Variants in RNF125 observed in about 807,000 individuals in gnomAD.
RNF125 encodes E3 ubiquitin-protein ligase RNF125.
RNF125 carries 21 observed loss-of-function variants against 26.0 expected under a neutral mutation model. The ratio of observed to expected loss-of-function variants is 0.81; its 90% CI spans 0.57 to 1.16. RNF125 has a LOEUF of 1.16. RNF125 is among the 50% of genes most tolerant of loss of function. The probability of loss-of-function intolerance (pLI) is 0.00; values close to 1 mark genes in which losing one functional copy is unlikely to be tolerated. For synonymous variants in RNF125, 95 were observed against 109.2 expected (o/e 0.87, Z 0.81); for missense variants, 270 against 299.4 (o/e 0.90, Z 0.72).
chr18:32,044,653 A>G (rs1416201636), intron 3 of RNF125, among the ~76,000 whole-genome samples: 7 of 152,136 alleles, frequency 4.6e-5, no homozygotes, highest in Non-Finnish European at 1.0e-4. Context: ...CAATCTGAGC[A>G]TGCATTAACT....
chr18:32,076,068 G>T (rs1046545908), downstream of RNF125: 5 of 696,420 alleles, frequency 7.2e-6, no homozygotes, highest in Non-Finnish European at 1.1e-5. Flanking sequence ...CTCTACACTT[G>T]TTTAGCCTGC....
intron 4 of RNF125, among the ~76,000 whole-genome samples, chr18:32,063,464 T>C (rs1258330019): frequency 9.2e-5 from 14 of 152,148 alleles, no homozygotes. Context: ...AATTCATACA[T>C]TGCTGGTGGG....
At chr18:32,059,016 G>C (rs1196589717) in intron 4 of RNF125, among the ~76,000 whole-genome samples, 1 of 152,096 alleles carries the variant, frequency 6.6e-6, no homozygotes, top group African/African-American at 2.4e-5. Context: ...TTACCCACTT[G>C]TCTGTTGCTG....
intron 4 of RNF125, among the ~76,000 whole-genome samples, chr18:32,065,497 A>G (rs1467377454): frequency 2.0e-5 from 3 of 151,572 alleles, no homozygotes; most frequent in African/African-American, 7.3e-5. Flanking sequence ...CAACCTCCCA[A>G]AATGTTGGGA....
intron 4 of RNF125, among the ~76,000 whole-genome samples, chr18:32,051,694 C>CTTTTTTTTTTTTTTTTTTTTTTTT (rs71177837): frequency 8.5e-6 from 1 of 118,032 alleles, no homozygotes; most frequent in Non-Finnish European, 1.6e-5. Context: ...TATTTTCTTT[C>CTTTTTTTTTTTTTTTTTTTTTTTT]TTTTTTTTTT....
chr18:32,085,700 CAAAAAAAAA>C, the RNF125 span, among the ~76,000 whole-genome samples: 4 of 62,770 alleles, frequency 6.4e-5, no homozygotes, highest in South Asian at 8.5e-4. Flanking sequence ...AACGACTTAT[CAAAAAAAAA>C]AAAAAAAAAA....
chr18:32,025,461 C>T (rs989161103), intron 1 of RNF125, among the ~76,000 whole-genome samples: 13 of 151,480 alleles, frequency 8.6e-5, no homozygotes, highest in South Asian at 2.1e-4. Context: ...GTCAGGAGTT[C>T]GAGACCAGCC....
the RNF125 span, among the ~76,000 whole-genome samples, chr18:32,078,674 C>T: frequency 1.3e-5 from 2 of 151,976 alleles, no homozygotes; most frequent in Non-Finnish European, 2.9e-5. Flanking sequence ...ATACATCATT[C>T]AGTTTACTGT....
At chr18:32,035,482 T>A (rs2039143805) in intron 1 of RNF125, among the ~76,000 whole-genome samples, 1 of 152,196 alleles carries the variant, frequency 6.6e-6, no homozygotes, top group South Asian at 2.1e-4. Context: ...CTAAAGTTTA[T>A]CATCAGCAAG....
At position 32,045,673 on chromosome 18, in the gene RNF125, T is replaced by G. The variant is rs145377749; in HGVS notation, c.445T>G (p.Tyr149Asp). ...ATGTCCCTTTTGTCAGAGGGAACTG[T>G]ATGAAGACAGCTTGCTGGATCATTG... is the stretch of plus-strand genomic sequence containing the variant. ...CVCPFCQREL[Y>D]EDSLLDHCIT... Residue 149 changes from tyrosine to aspartate, a missense_variant, in exon 4 of 6, where the codon TAT becomes GAT. By Grantham distance (160) the Tyr-to-Asp change is radical (BLOSUM62 -3). Coordinates refer to ENST00000217740, the MANE Select transcript of RNF125 (RefSeq NM_017831.4). The G allele has an allele frequency of 7.4e-4, 1,197 of 1,612,490 alleles. 14 individuals are homozygous for G. The African/African-American group carries it at 0.015, about 20-fold the overall frequency.
chr18:32,067,177 C>T (rs1421428052), intron 5 of RNF125, among the ~76,000 whole-genome samples: 2 of 152,180 alleles, frequency 1.3e-5, no homozygotes, highest in African/African-American at 4.8e-5. Flanking sequence ...GGTGTGAACT[C>T]GGGAGGCGGA....
At chr18:32,023,981 A>C (rs1190858983) in intron 1 of RNF125, among the ~76,000 whole-genome samples, 1 of 152,120 alleles carries the variant, frequency 6.6e-6, no homozygotes, top group African/African-American at 2.4e-5. Context: ...CCTAATAAAC[A>C]AGTCCATCCA....
At chr18:32,063,253 C>T (rs1467428171) in intron 4 of RNF125, among the ~76,000 whole-genome samples, 2 of 144,294 alleles carry the variant, frequency 1.4e-5, no homozygotes, top group Non-Finnish European at 3.0e-5. Flanking sequence ...AAGAAGAATA[C>T]ATGAATAAAT....
intron 5 of RNF125, among the ~76,000 whole-genome samples, chr18:32,066,738 G>C (rs1028596818): frequency 1.3e-5 from 2 of 152,214 alleles, no homozygotes; most frequent in South Asian, 4.1e-4. Context: ...ATGAGATAAT[G>C]TATATAAAGT....
intron 4 of RNF125, among the ~76,000 whole-genome samples, chr18:32,046,042 C>A (rs1452408995): frequency 6.6e-6 from 1 of 151,664 alleles, no homozygotes; most frequent in Non-Finnish European, 1.5e-5. Flanking sequence ...TATGGTGAAA[C>A]CCCATCTCTA....
intron 1 of RNF125, among the ~76,000 whole-genome samples, chr18:32,030,325 G>C (rs2039080279): frequency 1.3e-5 from 2 of 152,226 alleles, no homozygotes; most frequent in Admixed American, 6.5e-5. Context: ...TTACAGGCGT[G>C]AGCCACCCTA....
intron 4 of RNF125, among the ~76,000 whole-genome samples, chr18:32,059,644 C>T (rs182643225): frequency 5.3e-5 from 8 of 152,164 alleles, no homozygotes; most frequent in Non-Finnish European, 7.4e-5. Context: ...TGTCCATTTT[C>T]GCTTTGGTTG....
At chr18:32,042,373 A>G (rs2039229780) in intron 3 of RNF125, 100 bp downstream of exon 3, 1 of 736,132 alleles carries the variant, frequency 1.4e-6, no homozygotes, top group East Asian at 2.8e-5. Flanking sequence ...ATATTTACAT[A>G]TTTATGTTTA....
chr18:32,063,171 G>A (rs1210574522), intron 4 of RNF125, among the ~76,000 whole-genome samples: 2 of 140,120 alleles, frequency 1.4e-5, no homozygotes, highest in African/African-American at 2.7e-5. Context: ...AGTGAGCCAA[G>A]ACCATGCCAT....
Sources: allele counts gnomAD v4.1 joint callset (sites outside exome capture counted in the v4.1 genomes callset), GRCh38; gene constraint gnomAD v4.1.1; transcripts MANE v1.5; gene names NCBI Gene and HGNC (gene_info 2026-07-23, HGNC 2026-07-21).